Variants in ANK3 observed in about 807,000 individuals in gnomAD.
ANK3 encodes the protein ankyrin 3.
Under a neutral mutation model 370.9 loss-of-function variants are expected in ANK3, and 57 were observed. That is an observed-to-expected ratio of 0.15 (90% CI 0.12 to 0.19). ANK3 has a LOEUF of 0.19. Ranked by LOEUF, ANK3 falls within the 10% of genes least tolerant of loss-of-function variation. The probability of loss-of-function intolerance (pLI) is 1.00; values close to 1 mark genes in which losing one functional copy is unlikely to be tolerated. For missense variants in ANK3, 4,439 were observed against 5,302.1 expected (o/e 0.84, Z 5.06); for synonymous variants, 1,929 against 1,946.3 (o/e 0.99, Z 0.23).
chr10:60,712,400 G>A (rs887478859), intron 1 of ANK3, among the ~76,000 whole-genome samples: 1 of 152,188 alleles, frequency 6.6e-6, no homozygotes, highest in African/African-American at 2.4e-5. Context: ...TATTATTCAT[G>A]TACTGGTGTG....
chr10:60,446,461 C>T (rs2064448903), intron 2 of ANK3, among the ~76,000 whole-genome samples: 1 of 152,136 alleles, frequency 6.6e-6, no homozygotes, highest in Non-Finnish European at 1.5e-5. Context: ...CTACAGTCAG[C>T]ATGACTTAGT....
intron 1 of ANK3, among the ~76,000 whole-genome samples, chr10:60,311,329 G>A (rs1056320194): frequency 6.6e-6 from 1 of 152,184 alleles, no homozygotes; most frequent in African/African-American, 2.4e-5. Flanking sequence ...AGGCTGTTAT[G>A]TGTAGCCCAA....
rs754420265 is a variant in ANK3 at position 60,084,759 on chromosome 10, A to C, written c.3917T>G (p.Ile1306Arg). The C allele has an allele frequency of 1.9e-6, 3 of 1,612,486 alleles. No homozygotes were observed. The Admixed American group carries it at 5.0e-5, about 27-fold the overall frequency. Residue 1306 changes from isoleucine to arginine, a missense_variant, in exon 32 of 44, where the codon ATA becomes AGA. Coordinates refer to ENST00000280772, the MANE Select transcript of ANK3 (RefSeq NM_020987.5). ...AAACTTGGCCATATATGGAACACAT[A>C]TCAATTCTCTGTACAGTTGCGTGGC... Reference protein sequence around the residue: ...GLATQLYRELICVPYMAKFVV... With the variant: ...GLATQLYRELRCVPYMAKFVV...
At chr10:60,502,775 GA>G (rs2075834313) in intron 2 of ANK3, among the ~76,000 whole-genome samples, 1 of 132,288 alleles carries the variant, frequency 7.6e-6, no homozygotes, top group Non-Finnish European at 1.6e-5. Context: ...AAAAAAGAAA[GA>G]AAAGAAAGAA....
At chr10:60,098,865 C>G (rs190398314) in intron 28 of ANK3, among the ~76,000 whole-genome samples, 3 of 152,020 alleles carry the variant, frequency 2.0e-5, no homozygotes, top group Non-Finnish European at 4.4e-5. Flanking sequence ...TAGATTTGCA[C>G]GTGTAATAAG....
intron 25 of ANK3, among the ~76,000 whole-genome samples, chr10:60,126,687 C>CA (rs34822081): frequency 0.043 from 5,343 of 124,884 alleles, 144 homozygotes; most frequent in Non-Finnish European, 0.062. Flanking sequence ...GACTCCGTCT[C>CA]AAAAAAAAAA....
At chr10:60,615,213 T>A in exon 2 of ANK3, 1 of 1,519,082 alleles carries the variant, frequency 6.6e-7, no homozygotes. Flanking sequence ...AATAATCTGA[T>A]CCAAAGCCAC....
At chr10:60,351,985 T>A (rs536450720) in intron 1 of ANK3, among the ~76,000 whole-genome samples, 1 of 152,204 alleles carries the variant, frequency 6.6e-6, no homozygotes, top group Admixed American at 6.5e-5. Context: ...CTCATGTTCA[T>A]TTGAATTCTG....
intron 1 of ANK3, among the ~76,000 whole-genome samples, chr10:60,696,983 T>G (rs1221669263): frequency 7.0e-6 from 1 of 142,072 alleles, no homozygotes; most frequent in Non-Finnish European, 1.5e-5. Context: ...GCAGACGACA[T>G]GATTGTTTAT....
intron 2 of ANK3, among the ~76,000 whole-genome samples, chr10:60,552,908 A>G (rs1234557926): frequency 6.6e-6 from 1 of 152,034 alleles, no homozygotes; most frequent in African/African-American, 2.4e-5. Context: ...TAAAAATGGG[A>G]GTTTCTCTGC....
At chr10:60,375,324 G>T (rs1338751785) in intron 1 of ANK3, among the ~76,000 whole-genome samples, 3 of 152,154 alleles carry the variant, frequency 2.0e-5, no homozygotes, top group Non-Finnish European at 2.9e-5. Context: ...TTCATGGTTT[G>T]CCTACTTCTA....
At chr10:60,121,000 T>A (rs1011328075) in intron 25 of ANK3, among the ~76,000 whole-genome samples, 1 of 152,154 alleles carries the variant, frequency 6.6e-6, no homozygotes, top group East Asian at 1.9e-4. Context: ...AAGAGACATC[T>A]GCACGCCCAT....
chr10:60,211,944 C>G (rs150594567), intron 9 of ANK3, among the ~76,000 whole-genome samples: 14 of 137,700 alleles, frequency 1.0e-4, no homozygotes, highest in Admixed American at 1.0e-3. Flanking sequence ...GAATTAGGGA[C>G]ATTTGGGAAA....
Position 60,270,248 on chromosome 10 carries a change from A to T in ANK3, c.415-19T>A. The T allele has an allele frequency of 6.5e-7, 1 of 1,546,706 alleles. No individual in the cohort carries two copies. The highest frequency in any genetic ancestry group is 8.8e-7 in the Non-Finnish European group (1 of 1,138,874). On this transcript the variant is annotated intron_variant, in intron 4 of 43. Coordinates refer to ENST00000280772, the MANE Select transcript of ANK3 (RefSeq NM_020987.5). ...AACCATTCTGCAAAATAAGAAAAAA[A>T]ATGTTTGTCTGCAGCTTTCCAGAGA...
At chr10:60,120,088 C>T (rs12411730) in intron 25 of ANK3, among the ~76,000 whole-genome samples, 27,689 of 151,990 alleles carry the variant, frequency 0.18, 2,998 homozygotes, top group East Asian at 0.54. Flanking sequence ...ATCACCAAAA[C>T]GGCATGGTGC....
chr10:60,641,318 G>A lies in ANK3; in HGVS notation c.58-26094C>T, dbSNP rs868136489. On this transcript the variant is annotated intron_variant, in intron 1 of 43. Coordinates refer to the ANK3 transcript ENST00000373827. ...ATGGAACCAAAAAAGAGCCCGCATC[G>A]CCAAGTCAATCCTAAGCCAAAAGAA... Among the ~76,000 whole-genome samples the A allele has an allele frequency of 3.2e-3, 481 of 151,582 alleles. 2 individuals carry two copies. Among genetic ancestry groups the A allele is most frequent in the Admixed American group, 8.5e-3 (130 of 15,210 alleles).
intron 11 of ANK3, among the ~76,000 whole-genome samples, chr10:60,204,384 A>T (rs1021809816): frequency 6.6e-6 from 1 of 152,180 alleles, no homozygotes; most frequent in Admixed American, 6.5e-5. Flanking sequence ...GCCTATTCTT[A>T]TCTCTAAGAG....
At chr10:60,329,066 T>G (rs1032564317) in intron 1 of ANK3, among the ~76,000 whole-genome samples, 2 of 152,196 alleles carry the variant, frequency 1.3e-5, no homozygotes, top group Admixed American at 1.3e-4. Context: ...AGAAAAGGCC[T>G]TCAATAAAAT....
At chr10:60,047,034 C>G (rs897718101) in intron 42 of ANK3, among the ~76,000 whole-genome samples, 1 of 152,118 alleles carries the variant, frequency 6.6e-6, no homozygotes. Flanking sequence ...GTTTTGATCT[C>G]CTGACCTCGT....
Sources: gnomAD v4.1 joint callset for allele counts (sites outside exome capture counted in the v4.1 genomes callset) on GRCh38, gnomAD v4.1.1 for gene constraint, MANE v1.5 for transcripts, NCBI Gene and HGNC (gene_info 2026-07-23, HGNC 2026-07-21) for gene names.